Variants in GLS observed in about 807,000 individuals in gnomAD.
GLS encodes glutaminase kidney isoform, mitochondrial.
GLS carries 36 observed loss-of-function variants against 86.7 expected under a neutral mutation model. The observed-to-expected ratio is 0.42, with a 90% CI of 0.32 to 0.55. The LOEUF (loss-of-function observed/expected upper bound fraction) is 0.55, where lower values mean the gene tolerates loss of function less well. Ranked by LOEUF, GLS falls within the 20% of genes least tolerant of loss-of-function variation. The pLI, the probability that GLS is intolerant of heterozygous loss-of-function variation, is 0.17. For missense variants in GLS, 528 were observed against 833.4 expected, an observed-to-expected ratio of 0.63 and a Z score of 4.51; for synonymous variants, 317 against 305.9, an observed-to-expected ratio of 1.04 and a Z score of -0.38.
chr2:190,892,945 TAAA>T (rs1688612521), intron 1 of GLS, among the ~76,000 whole-genome samples: 1 of 152,182 alleles, frequency 6.6e-6, no homozygotes, highest in Non-Finnish European at 1.5e-5. Flanking sequence ...TGCCATAAGC[TAAA>T]AAAGTGTATA....
At chr2:190,931,725 G>A in intron 14 of GLS, 88 bp downstream of exon 14, 1 of 620,084 alleles carries the variant, frequency 1.6e-6, no homozygotes, top group African/African-American at 1.9e-5. Flanking sequence ...ATCTTAGTTT[G>A]TTAGTGGCCT....
rs138479920 is a variant in GLS, at chr2:190,911,759, A to C, written c.1038+1438A>C. ...TTAATGCTTGATGACAAAAACACCA[A>C]AAGTGTTTCTTCCCAGAAAAATATC... On this transcript the variant is annotated intron_variant, in intron 7 of 17. Transcript: ENST00000320717. Among the ~76,000 whole-genome samples the C allele has an allele frequency of 4.2e-3, 632 of 152,222 alleles. 3 individuals are homozygous for C. Among genetic ancestry groups the C allele is most frequent in the Middle Eastern group, 0.024 (7 of 294 alleles).
At chr2:190,942,949 A>G (rs16833067) in intron 14 of GLS, among the ~76,000 whole-genome samples, 2,238 of 152,312 alleles carry the variant, frequency 0.015, 58 homozygotes, top group African/African-American at 0.049. Flanking sequence ...TGGCTGTTTC[A>G]TCTTTAGCCT....
intron 17 of GLS, among the ~76,000 whole-genome samples, chr2:190,960,478 C>G (rs926333865): frequency 6.6e-6 from 1 of 151,282 alleles, no homozygotes; most frequent in African/African-American, 2.4e-5. Flanking sequence ...GATCCTCCCA[C>G]CTCAACCTCC....
rs147275854 is a variant in GLS at position 190,938,293 on chromosome 2, C to T, written c.1650+6656C>T. Among the ~76,000 whole-genome samples the T allele has an allele frequency of 7.3e-3, 1,112 of 151,490 alleles. 7 individuals are homozygous for T. Among genetic ancestry groups the T allele is most frequent in the Middle Eastern group, 0.044 (13 of 294 alleles). ...TAGCTTTTGAAAGAAAAAATTCTTA[C>T]CCAAAGTAGTTTTTAAATTTCTATT... On this transcript the variant is annotated intron_variant, in intron 14 of 17. Transcript: ENST00000320717. This position sits in a 1 kb window ranked among gnomAD's most constrained non-coding sequence, Gnocchi z 4.1.
Position 190,897,112 on chromosome 2 carries a change from T to C in GLS, c.605+1387T>C, listed in dbSNP as rs561509118. Among the ~76,000 whole-genome samples, 8 of 152,122 alleles carry C rather than the reference T, an allele frequency of 5.3e-5. No homozygotes were observed. Among genetic ancestry groups the C allele is most frequent in the East Asian group, 3.9e-4 (2 of 5,174 alleles). ...GACATGATCTTGGCTCACTACAACC[T>C]CTGCCTCCCGGGTTCAAGTGATTCT... On this transcript the variant is annotated intron_variant, in intron 3 of 17. Coordinates refer to ENST00000320717, the MANE Select transcript of GLS (RefSeq NM_014905.5). The surrounding 1 kb of genome is among the most constrained non-coding windows in gnomAD (Gnocchi z 4.3).
chr2:190,958,777 T>G (rs187956139), intron 17 of GLS, among the ~76,000 whole-genome samples: 1 of 152,304 alleles, frequency 6.6e-6, no homozygotes, highest in East Asian at 1.9e-4. Flanking sequence ...CACTGTGGTC[T>G]GAAAAACTGT....
chr2:190,885,106 ATTTATGTTTTGATAGTTCAGC>A (rs1292320866), intron 1 of GLS, among the ~76,000 whole-genome samples: 2 of 152,164 alleles, frequency 1.3e-5, no homozygotes, highest in Admixed American at 6.5e-5. Context: ...GTTAGTATGG[ATTTATGTTTTGATAGTTCAGC>A]TTTATGTTTT....
chr2:190,902,651 G>A (rs187904342), intron 5 of GLS, among the ~76,000 whole-genome samples: 9 of 152,264 alleles, frequency 5.9e-5, no homozygotes, highest in South Asian at 2.1e-4. Context: ...AATTAAGAGA[G>A]GCCCTTGGAA....
At chr2:190,948,859 C>T (rs777222403) in intron 14 of GLS, among the ~76,000 whole-genome samples, 11 of 152,016 alleles carry the variant, frequency 7.2e-5, no homozygotes, top group Admixed American at 2.0e-4. Flanking sequence ...ATAGTATGCA[C>T]TGTGGGAGGA....
intron 14 of GLS, among the ~76,000 whole-genome samples, chr2:190,939,300 T>C (rs896080191): frequency 6.6e-5 from 10 of 151,710 alleles, no homozygotes; most frequent in Admixed American, 5.2e-4. Context: ...TCTTGAAATA[T>C]GTTAACTTTT....
intron 12 of GLS, among the ~76,000 whole-genome samples, chr2:190,928,730 A>G (rs1043931601): frequency 4.8e-5 from 6 of 126,048 alleles, no homozygotes; most frequent in African/African-American, 8.7e-5. Context: ...TTTTAAATCT[A>G]TTGGTCTTCT....
chr2:190,948,583 T>C (rs1261395444), intron 14 of GLS, among the ~76,000 whole-genome samples: 1 of 152,188 alleles, frequency 6.6e-6, no homozygotes, highest in African/African-American at 2.4e-5. Flanking sequence ...GATGAGGCTT[T>C]ATTGCTTAGA....
In GLS at chr2:190,965,486, T is replaced by C. The variant is rs374737590; in HGVS notation, c.*2500T>C. 3.3e-5 allele frequency: 5 copies of C among 152,768 alleles called. No individual in the cohort carries two copies. The highest frequency in any genetic ancestry group is 1.2e-4 in the African/African-American group (5 of 41,570). 9.5% of individuals were successfully genotyped at this position (152,768 alleles called of 1,614,324 possible). A position where few individuals can be genotyped will look rare whatever the true frequency, so the allele number is the denominator to read the frequency against. Reference sequence around the variant, plus strand: ...TAAGTATTCTGAAATTGGGAAACATTTATTTTAAATGCAATCAGGTAGTGT... The same window carrying C: ...TAAGTATTCTGAAATTGGGAAACATCTATTTTAAATGCAATCAGGTAGTGT... On this transcript the variant is annotated 3_prime_UTR_variant, in exon 18 of 18. Transcript: ENST00000320717. The surrounding 1 kb of genome is among the most constrained non-coding windows in gnomAD (Gnocchi z 5.0).
intron 14 of GLS, chr2:190,932,534 C>T (rs1690140669): frequency 5.5e-6 from 2 of 360,974 alleles, no homozygotes; most frequent in South Asian, 2.1e-4. Context: ...AAGAATTATG[C>T]AAAACCAACA....
chr2:190,913,204 A>G lies in GLS; in HGVS notation c.1038+2883A>G, dbSNP rs1689419395. ...TTTTTTCCTTGTAGGATTGGTGGTG[A>G]TCCTCAGGAAATGGGGGAAGAGGCA... On this transcript the variant is annotated intron_variant, in intron 7 of 17. Transcript: ENST00000320717. The surrounding 1 kb of genome is among the most constrained non-coding windows in gnomAD (Gnocchi z 6.1). 7.7e-7 allele frequency: 1 copy of G among 1,298,384 alleles called. No homozygotes were observed. The highest frequency in any genetic ancestry group is 2.1e-4 in the Middle Eastern group (1 of 4,682). The allele number at this position is 1,298,384 out of a possible 1,614,324, so 80.4% of individuals were successfully genotyped here.
At position 190,905,338 on chromosome 2, in the gene GLS, T is replaced by A. The variant is rs758136009; in HGVS notation, c.979+171T>A. On this transcript the variant is annotated intron_variant, in intron 6 of 17. Transcript: ENST00000320717. The surrounding 1 kb of genome is among the most constrained non-coding windows in gnomAD (Gnocchi z 4.6). ...CTTTTAAAAATGATTATTTTAGGCATCTCATACCACTGGGAAGTGGGCTAG... is the reference window on the plus strand; with the variant it reads ...CTTTTAAAAATGATTATTTTAGGCAACTCATACCACTGGGAAGTGGGCTAG... 2.4e-5 allele frequency: 13 copies of A among 544,648 alleles called. No homozygotes were observed. The highest frequency in any genetic ancestry group is 6.6e-5 in the Admixed American group (2 of 30,124). The allele number at this position is 544,648 out of a possible 1,614,324, so 33.7% of individuals were successfully genotyped here. A position where few individuals can be genotyped will look rare whatever the true frequency, so the allele number is the denominator to read the frequency against.
intron 14 of GLS, among the ~76,000 whole-genome samples, chr2:190,937,070 T>C (rs1177383516): frequency 6.6e-6 from 1 of 151,388 alleles, no homozygotes; most frequent in Non-Finnish European, 1.5e-5. Flanking sequence ...CATGATGGCC[T>C]TATGCTCAGA....
intron 14 of GLS, among the ~76,000 whole-genome samples, chr2:190,948,565 C>T (rs946656706): frequency 2.6e-5 from 4 of 152,134 alleles, no homozygotes; most frequent in African/African-American, 9.7e-5. Flanking sequence ...TATCCAGTCA[C>T]TGAAACAGAT....
Sources: allele counts gnomAD v4.1 joint callset (sites outside exome capture counted in the v4.1 genomes callset), GRCh38; gene constraint gnomAD v4.1.1; non-coding constraint Gnocchi (gnomAD v3.1); transcripts MANE v1.5; gene names NCBI Gene and HGNC (gene_info 2026-07-23, HGNC 2026-07-21).